VOPP1: variants seen among roughly 807,000 people sequenced by gnomAD.
VOPP1 encodes the protein WW domain binding protein VOPP1.
VOPP1 carries 8 observed loss-of-function variants against 23.5 expected under a neutral mutation model. The observed-to-expected ratio is 0.34, with a 90% CI of 0.20 to 0.61. The LOEUF is 0.61. Ranked by LOEUF, VOPP1 falls within the 20% of genes least tolerant of loss-of-function variation. VOPP1 has a pLI of 0.78. For missense variants in VOPP1, 174 were observed against 238.1 expected, an observed-to-expected ratio of 0.73 and a Z score of 1.77; for synonymous variants, 83 against 97.3, an observed-to-expected ratio of 0.85 and a Z score of 0.86.
At chr7:55,468,604 G>A (rs1028461009), downstream of VOPP1, among the ~76,000 whole-genome samples, 5 of 152,248 alleles carry the variant, frequency 3.3e-5, no homozygotes, top group African/African-American at 1.2e-4. Flanking sequence ...TTGCAACTAT[G>A]GGATGGGCTA....
intron 1 of VOPP1, among the ~76,000 whole-genome samples, chr7:55,562,465 T>G (rs1346810141): frequency 6.6e-6 from 1 of 152,204 alleles, no homozygotes. Context: ...TAAAGAGAAA[T>G]TGTTCTGACA....
At chr7:55,454,385 G>T (rs112434128) in intron 4 of VOPP1, among the ~76,000 whole-genome samples, 1,831 of 152,170 alleles carry the variant, frequency 0.012, 13 homozygotes, top group Admixed American at 0.021. Context: ...GAGGAGCTGG[G>T]AACATTCCTT....
intron 3 of VOPP1, among the ~76,000 whole-genome samples, chr7:55,497,412 C>A (rs558620493): frequency 6.6e-6 from 1 of 152,298 alleles, no homozygotes; most frequent in East Asian, 1.9e-4. Context: ...TCCGTGAAAA[C>A]AAAAACAGGC....
At chr7:55,512,017 A>G (rs144757542) in intron 2 of VOPP1, among the ~76,000 whole-genome samples, 1,672 of 152,348 alleles carry the variant, frequency 0.011, 11 homozygotes, top group Middle Eastern at 0.02. Context: ...CTAAATATAG[A>G]CACTACCTGT....
intron 2 of VOPP1, among the ~76,000 whole-genome samples, chr7:55,503,589 A>G (rs1453232743): frequency 6.6e-6 from 1 of 152,178 alleles, no homozygotes; most frequent in African/African-American, 2.4e-5. Flanking sequence ...TCTCCCCTAG[A>G]CCGGTGTGTT....
intron 4 of VOPP1, among the ~76,000 whole-genome samples, chr7:55,453,977 G>T (rs922165282): frequency 6.6e-6 from 1 of 152,122 alleles, no homozygotes; most frequent in Non-Finnish European, 1.5e-5. Context: ...ATAAGAAGTA[G>T]AGAAAATAGT....
At chr7:55,552,088 G>A (rs1797634458) in intron 1 of VOPP1, among the ~76,000 whole-genome samples, 1 of 150,002 alleles carries the variant, frequency 6.7e-6, no homozygotes, top group African/African-American at 2.5e-5. Context: ...AGCCCTGGGA[G>A]CCAGGTTAGC....
intron 2 of VOPP1, among the ~76,000 whole-genome samples, chr7:55,520,631 C>T (rs974132381): frequency 6.6e-6 from 1 of 152,188 alleles, no homozygotes; most frequent in Admixed American, 6.5e-5. Context: ...CAGAGACAGG[C>T]GATCATTGTG....
At chr7:55,503,355 T>TTAACGA (rs1794495970) in intron 2 of VOPP1, among the ~76,000 whole-genome samples, 1 of 152,128 alleles carries the variant, frequency 6.6e-6, no homozygotes, top group South Asian at 2.1e-4. Flanking sequence ...AGGAAGCATG[T>TTAACGA]GTTATGCTTA....
chr7:55,530,044 G>A (rs1285231555), intron 1 of VOPP1, among the ~76,000 whole-genome samples: 1 of 152,170 alleles, frequency 6.6e-6, no homozygotes, highest in Non-Finnish European at 1.5e-5. Context: ...TGCATGGACA[G>A]ATATCTTAAT....
chr7:55,457,797 A>C (rs539003936), intron 4 of VOPP1, among the ~76,000 whole-genome samples: 1 of 151,862 alleles, frequency 6.6e-6, no homozygotes, highest in South Asian at 2.1e-4. Flanking sequence ...TACTTTTTAA[A>C]AGGGATTTTT....
At chr7:55,476,430 G>A (rs1583847988) in intron 4 of VOPP1, among the ~76,000 whole-genome samples, 3 of 139,194 alleles carry the variant, frequency 2.2e-5, no homozygotes, top group Non-Finnish European at 3.2e-5. Context: ...GTGGCGTGTC[G>A]GGGGGGTGGG....
At chr7:55,538,342 C>G (rs964450677) in intron 1 of VOPP1, among the ~76,000 whole-genome samples, 2 of 152,206 alleles carry the variant, frequency 1.3e-5, no homozygotes, top group Non-Finnish European at 2.9e-5. Context: ...CCAGTCCTTC[C>G]AGTCTGCAAA....
intron 1 of VOPP1, among the ~76,000 whole-genome samples, chr7:55,549,237 C>T (rs561798625): frequency 3.3e-5 from 5 of 152,272 alleles, no homozygotes; most frequent in African/African-American, 9.6e-5. Flanking sequence ...CATCCAAGGG[C>T]CATTTACATA....
intron 3 of VOPP1, among the ~76,000 whole-genome samples, chr7:55,496,831 T>C (rs1052694677): frequency 1.3e-5 from 2 of 152,242 alleles, no homozygotes; most frequent in African/African-American, 4.8e-5. Flanking sequence ...GCTTGCATCA[T>C]GCAGAGAGCA....
intron 2 of VOPP1, among the ~76,000 whole-genome samples, chr7:55,507,177 G>A (rs1008836688): frequency 1.3e-5 from 2 of 152,228 alleles, no homozygotes; most frequent in African/African-American, 4.8e-5. Flanking sequence ...GAGGAGTGCT[G>A]TGGAAAGTAG....
At chr7:55,561,982 T>G (rs1456428850) in intron 1 of VOPP1, 2 of 703,464 alleles carry the variant, frequency 2.8e-6, no homozygotes, top group East Asian at 5.4e-5. Context: ...GGACCCACAG[T>G]AGTCGGTTCA....
chr7:55,501,528 C>A (rs2129028265), intron 2 of VOPP1, among the ~76,000 whole-genome samples: 1 of 152,344 alleles, frequency 6.6e-6, no homozygotes, highest in South Asian at 2.1e-4. Context: ...CTGCTGTTAA[C>A]AGTGCTGGGC....
At chr7:55,447,202 G>T (rs756237893) in intron 4 of VOPP1, among the ~76,000 whole-genome samples, 3 of 152,222 alleles carry the variant, frequency 2.0e-5, no homozygotes, top group Non-Finnish European at 4.4e-5. Flanking sequence ...AGAAGAATCA[G>T]GCAAGGCGTC....
Sources: allele counts gnomAD v4.1 joint callset (sites outside exome capture counted in the v4.1 genomes callset), GRCh38; gene constraint gnomAD v4.1.1; transcripts MANE v1.5; gene names NCBI Gene and HGNC (gene_info 2026-07-23, HGNC 2026-07-21).